Variants in UNC13C observed in about 807,000 individuals in gnomAD.
UNC13C encodes unc-13 homolog C.
A neutral mutation model predicts 245.4 loss-of-function variants in UNC13C; 174 were observed. That is an observed-to-expected ratio of 0.71 (90% CI 0.63 to 0.80). The LOEUF (loss-of-function observed/expected upper bound fraction) is 0.80. Among genes scored for constraint, UNC13C ranks in the 30% least tolerant of loss-of-function variants. The probability of loss-of-function intolerance (pLI) is 0.00; values close to 1 mark genes in which losing one functional copy is unlikely to be tolerated. For missense variants in UNC13C, 2,829 were observed against 2,602.9 expected, an observed-to-expected ratio of 1.09 and a Z score of -1.89; for synonymous variants, 992 against 895.1, an observed-to-expected ratio of 1.11 and a Z score of -1.93.
intron 4 of UNC13C, among the ~76,000 whole-genome samples, chr15:54,214,961 G>A (rs187743827): frequency 9.2e-5 from 14 of 151,928 alleles, no homozygotes; most frequent in African/African-American, 3.4e-4. Flanking sequence ...CAAAAAAATA[G>A]TGGATGCTAT....
chr15:54,068,627 G>A (rs1237218735), intron 2 of UNC13C, among the ~76,000 whole-genome samples: 4 of 152,116 alleles, frequency 2.6e-5, no homozygotes, highest in Admixed American at 2.6e-4. Context: ...TGTGTTGATT[G>A]TCTTCACCTC....
intron 19 of UNC13C, among the ~76,000 whole-genome samples, chr15:54,441,142 C>G (rs1433104342): frequency 6.6e-6 from 1 of 151,892 alleles, no homozygotes; most frequent in East Asian, 1.9e-4. Flanking sequence ...TTCATTTGCT[C>G]TGCAGAAGTA....
In UNC13C at chr15:54,143,617, A is replaced by T; in HGVS notation, c.3007-3A>T. On this transcript the variant is annotated splice_region_variant and splice_polypyrimidine_tract_variant and intron_variant, in intron 3 of 32. Coordinates refer to ENST00000260323, the MANE Select transcript of UNC13C (RefSeq NM_001080534.3). ...TTTGTTTTTCTCTTACTCTTCATTT[A>T]AGGCTCGAATAGTAAGTGGCAATGA... 6.2e-7 allele frequency: 1 copy of T among 1,612,510 alleles called. No individual in the cohort carries two copies. Among genetic ancestry groups the T allele is most frequent in the South Asian group, 1.1e-5 (1 of 90,972 alleles).
At chr15:54,454,578 A>AG (rs1389354729) in intron 19 of UNC13C, among the ~76,000 whole-genome samples, 3 of 150,782 alleles carry the variant, frequency 2.0e-5, no homozygotes, top group Non-Finnish European at 4.4e-5. Context: ...GGGAAAAAAA[A>AG]AAAACAACAA....
At chr15:54,457,366 G>A (rs1489800612) in intron 19 of UNC13C, among the ~76,000 whole-genome samples, 1 of 151,978 alleles carries the variant, frequency 6.6e-6, no homozygotes, top group Non-Finnish European at 1.5e-5. Flanking sequence ...TCCCTGGTTT[G>A]GGTATTACAG....
rs539876680 is a variant in UNC13C at position 54,601,959 on chromosome 15, G to A, written c.6107-20368G>A. 3.9e-5 allele frequency among the ~76,000 whole-genome samples: 6 copies of A among 152,262 alleles called. No individual in the cohort carries two copies. In the East Asian group the frequency reaches 1.2e-3, roughly 29 times the overall value. ...ACTGCCCCATCTGAGAACAATGGGA[G>A]GATTGACTTGCACTCCCCTCTTACT... On this transcript the variant is annotated intron_variant, in intron 30 of 32. Coordinates refer to ENST00000260323, the MANE Select transcript of UNC13C (RefSeq NM_001080534.3).
At chr15:54,335,622 C>T (rs1219971109) in intron 16 of UNC13C, among the ~76,000 whole-genome samples, 5 of 152,226 alleles carry the variant, frequency 3.3e-5, no homozygotes, top group Admixed American at 2.6e-4. Context: ...TTTCCTAGAA[C>T]ATCATGTAAA....
At chr15:54,040,753 C>G (rs949033605) in intron 2 of UNC13C, among the ~76,000 whole-genome samples, 4 of 152,040 alleles carry the variant, frequency 2.6e-5, no homozygotes, top group African/African-American at 7.2e-5. Flanking sequence ...AGGTGAGCAC[C>G]CAGAATATGC....
chr15:54,501,366 C>T (rs189586452), intron 22 of UNC13C, among the ~76,000 whole-genome samples: 15 of 152,068 alleles, frequency 9.9e-5, no homozygotes, highest in African/African-American at 3.6e-4. Flanking sequence ...GAACTTGGAG[C>T]CATGAAAACT....
chr15:54,519,837 G>T (rs1176599475), intron 24 of UNC13C, among the ~76,000 whole-genome samples: 1 of 152,042 alleles, frequency 6.6e-6, no homozygotes, highest in Non-Finnish European at 1.5e-5. Context: ...GGCATTTCCA[G>T]GAAAGTACCC....
intron 4 of UNC13C, among the ~76,000 whole-genome samples, chr15:54,178,157 A>T (rs1434689883): frequency 6.6e-6 from 1 of 152,128 alleles, no homozygotes; most frequent in East Asian, 1.9e-4. Context: ...CATGGTTTTC[A>T]ATCTATACAA....
chr15:53,917,259 A>G, the UNC13C span, among the ~76,000 whole-genome samples: 3 of 152,234 alleles, frequency 2.0e-5, no homozygotes, highest in African/African-American at 7.2e-5. Context: ...ACCTCCCAGC[A>G]TTCTTTAACA....
downstream of UNC13C, chr15:54,628,828 CTGGTGGG>C (rs1901365893): frequency 6.6e-6 from 1 of 152,012 alleles, no homozygotes; most frequent in South Asian, 2.1e-4. Flanking sequence ...TTATACACTG[CTGGTGGG>C]AGTGTAAATT....
the UNC13C span, among the ~76,000 whole-genome samples, chr15:53,873,973 T>G: frequency 7.3e-6 from 1 of 137,926 alleles, no homozygotes; most frequent in Non-Finnish European, 1.6e-5. Context: ...CCTTCCTTCC[T>G]GTCTTTCTTG....
At chr15:54,358,755 T>C (rs963602215) in intron 17 of UNC13C, among the ~76,000 whole-genome samples, 1 of 151,990 alleles carries the variant, frequency 6.6e-6, no homozygotes, top group Non-Finnish European at 1.5e-5. Flanking sequence ...CATGCTGTCC[T>C]CAAACAGGGA....
chr15:54,100,194 T>G (rs1201223253), intron 2 of UNC13C, among the ~76,000 whole-genome samples: 1 of 151,904 alleles, frequency 6.6e-6, no homozygotes, highest in Non-Finnish European at 1.5e-5. Context: ...AATGTAACAG[T>G]TTTCTCTATT....
intron 2 of UNC13C, among the ~76,000 whole-genome samples, chr15:54,122,859 G>T (rs2030768581): frequency 6.6e-6 from 1 of 151,984 alleles, no homozygotes; most frequent in South Asian, 2.1e-4. Flanking sequence ...TTCATGTGTT[G>T]ATTGACATTT....
chr15:54,540,933 T>G (rs554374875), intron 26 of UNC13C, among the ~76,000 whole-genome samples: 8 of 152,060 alleles, frequency 5.3e-5, no homozygotes, highest in Non-Finnish European at 1.2e-4. Flanking sequence ...TTGTTGTGTC[T>G]CCAATCATAC....
At chr15:53,884,295 A>G in the UNC13C span, among the ~76,000 whole-genome samples, 1 of 152,116 alleles carries the variant, frequency 6.6e-6, no homozygotes, top group Non-Finnish European at 1.5e-5. Context: ...CAATTTTCTC[A>G]GTAATTTCCC....
Sources: allele counts gnomAD v4.1 joint callset (sites outside exome capture counted in the v4.1 genomes callset), GRCh38; gene constraint gnomAD v4.1.1; transcripts MANE v1.5; gene names NCBI Gene and HGNC (gene_info 2026-07-23, HGNC 2026-07-21).